ERLEC1: variants seen among roughly 807,000 people sequenced by gnomAD.
ERLEC1 encodes the protein ER lectin.
ERLEC1 carries 47 observed loss-of-function variants against 68.0 expected under a neutral mutation model. The observed-to-expected ratio is 0.69, with a 90% CI of 0.55 to 0.88. The LOEUF is 0.88. Ranked by LOEUF, ERLEC1 falls within the 40% of genes least tolerant of loss-of-function variation. The pLI is 0.00. For missense variants in ERLEC1, 567 were observed against 583.8 expected (o/e 0.97, Z 0.30); for synonymous variants, 225 against 203.2 (o/e 1.11, Z -0.91).
intron 13 of ERLEC1, 50 bp downstream of exon 13, chr2:53,814,985 A>ATTTTTTTTCTTTTTTTT (rs1676788166): frequency 5.2e-6 from 5 of 967,624 alleles, no homozygotes; most frequent in Non-Finnish European, 7.4e-6. Context: ...CCATGTTTTA[A>ATTTTTTTTCTTTTTTTT]TTTTTTTTTC....
chr2:53,796,441 T>C (rs1163800699), intron 3 of ERLEC1, among the ~76,000 whole-genome samples: 1 of 151,890 alleles, frequency 6.6e-6, no homozygotes, highest in African/African-American at 2.4e-5. Context: ...AAATATAAAT[T>C]ATTTCTTTTT....
rs370904279 is a variant in ERLEC1 at position 53,812,940 on chromosome 2, C to T, written c.1102-9C>T. Reference sequence around the variant, plus strand: ...GCACGCATTATCACAAATTTTTTTCCCATATTAGGACAAGGATAGTGGGAA... The same window carrying T: ...GCACGCATTATCACAAATTTTTTTCTCATATTAGGACAAGGATAGTGGGAA... On this transcript the variant is annotated splice_polypyrimidine_tract_variant and intron_variant, in intron 10 of 13. Coordinates refer to ENST00000185150, the MANE Select transcript of ERLEC1 (RefSeq NM_015701.5). 6.3e-7 allele frequency: 1 copy of T among 1,596,732 alleles called. No individual in the cohort carries two copies.
At chr2:53,815,541 A>C (rs1253109987) in intron 13 of ERLEC1, among the ~76,000 whole-genome samples, 1 of 152,210 alleles carries the variant, frequency 6.6e-6, no homozygotes, top group Non-Finnish European at 1.5e-5. Flanking sequence ...CACTGCAGAA[A>C]GTTCTATCAT....
chr2:53,817,953 T>C lies in ERLEC1; in HGVS notation c.1436T>C (p.Leu479Pro), dbSNP rs754766753. 1.3e-6 allele frequency: 2 copies of C among 1,583,436 alleles called. No individual in the cohort carries two copies. The highest frequency in any genetic ancestry group is 1.1e-5 in the South Asian group (1 of 90,424). ...GATACAGCAGATGAAAATGGACTTC[T>C]TTCTCTCCCCAACTAAAGGATATTA... is the stretch of plus-strand genomic sequence containing the variant. ...ILDTADENGL[L>P]SLPN Residue 479 changes from leucine (L) to proline (P), a missense_variant, in exon 14 of 14, where the codon CTT (leucine) becomes CCT (proline). Transcript: ENST00000185150.
Position 53,799,074 on chromosome 2 carries a change from C to T in ERLEC1, c.518C>T (p.Ser173Leu). Residue 173 changes from serine (S) to leucine (L), a missense_variant, in exon 6 of 14, where the codon TCA becomes TTA. Transcript: ENST00000185150. ...CGAGAAGCAGAAGAAAAGGAAAAAT[C>T]AAATGAGGCAAGTGACAGATGTTGA... Reference protein sequence around the residue: ...KEREAEEKEKSNEIPTKNIEG... With the variant: ...KEREAEEKEKLNEIPTKNIEG... 4 of 1,611,876 alleles carry T rather than the reference C, an allele frequency of 2.5e-6. No homozygotes were observed. The highest frequency in any genetic ancestry group is 3.4e-6 in the Non-Finnish European group (4 of 1,178,706).
intron 1 of ERLEC1, among the ~76,000 whole-genome samples, chr2:53,790,180 G>GC (rs1675313889): frequency 6.6e-6 from 1 of 151,550 alleles, no homozygotes; most frequent in African/African-American, 2.4e-5. Context: ...TGCAACTTCT[G>GC]CCTCCCGGGT....
chr2:53,810,797 G>A (rs1371568716), intron 10 of ERLEC1, among the ~76,000 whole-genome samples: 5 of 151,998 alleles, frequency 3.3e-5, no homozygotes, highest in Non-Finnish European at 7.4e-5. Flanking sequence ...AAACCTGAGA[G>A]GTTTCATTTA....
chr2:53,799,156 A>G lies in ERLEC1; in HGVS notation c.525+75A>G. On this transcript the variant is annotated intron_variant, in intron 6 of 13. Coordinates refer to ENST00000185150, the MANE Select transcript of ERLEC1 (RefSeq NM_015701.5). ...GGTATGAATTTATATAACCCAAGTG[A>G]CAGAATATATCTTTATGTTCTTATT... 4.0e-6 allele frequency: 5 copies of G among 1,243,232 alleles called. No homozygotes were observed. The South Asian group carries it at 6.4e-5, about 16-fold the overall frequency. The allele number at this position is 1,243,232 out of a possible 1,614,324, so 77.0% of individuals were successfully genotyped here. A position where few individuals can be genotyped will look rare whatever the true frequency, so the allele number is the denominator to read the frequency against.
At chr2:53,789,294 C>A (rs572682385) in intron 1 of ERLEC1, among the ~76,000 whole-genome samples, 2 of 149,156 alleles carry the variant, frequency 1.3e-5, no homozygotes, top group Non-Finnish European at 3.0e-5. Flanking sequence ...CTTGGGAGGC[C>A]GAGGCAGGAG....
chr2:53,795,848 T>C (rs1573071476), intron 2 of ERLEC1, 85 bp from the exon 3 acceptor site: 3 of 842,674 alleles, frequency 3.6e-6, no homozygotes, highest in Non-Finnish European at 5.7e-6. Flanking sequence ...GCATTTGTGA[T>C]TTGAGTAATG....
chr2:53,814,979 GTTTTAATTTTTTTTTCTTTTTTTTTT>G, intron 13 of ERLEC1, 44 bp downstream of exon 13: 1 of 551,858 alleles, frequency 1.8e-6, no homozygotes, highest in South Asian at 2.9e-5. Context: ...TTTGAGCCAT[GTTTTAATTTTTTTTTCTTTTTTTTTT>G]TTTTTTTTTT....
Position 53,801,621 on chromosome 2 carries a change from G to A in ERLEC1, c.749+1G>A. The A allele has an allele frequency of 6.2e-7, 1 of 1,611,376 alleles. No homozygotes were observed. The highest frequency in any genetic ancestry group is 8.5e-7 in the Non-Finnish European group (1 of 1,177,588). On this transcript the variant is annotated splice_donor_variant, in intron 7 of 13. Transcript: ENST00000185150. LOFTEE classifies it high-confidence loss of function. ...TCTTGTGCAGTCATCCTAAATATAG[G>A]TAGGATGTGCATTTAATATTTTAAA...
At chr2:53,790,800 C>T (rs576103861) in intron 1 of ERLEC1, among the ~76,000 whole-genome samples, 3 of 152,282 alleles carry the variant, frequency 2.0e-5, no homozygotes, top group African/African-American at 4.8e-5. Flanking sequence ...TTGATGTGTA[C>T]ATTAACTAGA....
chr2:53,796,054 A>G, intron 3 of ERLEC1, 41 bp downstream of exon 3: 1 of 1,315,672 alleles, frequency 7.6e-7, no homozygotes, highest in Non-Finnish European at 1.1e-6. Flanking sequence ...AAAATAGATT[A>G]CCAACAGCCA....
At chr2:53,805,487 G>A (rs1676249867) in intron 8 of ERLEC1, among the ~76,000 whole-genome samples, 2 of 152,090 alleles carry the variant, frequency 1.3e-5, no homozygotes, top group African/African-American at 2.4e-5. Flanking sequence ...CAAAGTGCTA[G>A]GATTACAGGT....
intron 2 of ERLEC1, among the ~76,000 whole-genome samples, chr2:53,795,699 A>G (rs1675656549): frequency 6.6e-6 from 1 of 152,220 alleles, no homozygotes; most frequent in Non-Finnish European, 1.5e-5. Flanking sequence ...ACATTTTAAA[A>G]AAACCTTTTT....
At chr2:53,804,989 CT>C (rs746963770) in intron 8 of ERLEC1, among the ~76,000 whole-genome samples, 1,967 of 98,188 alleles carry the variant, frequency 0.02, 13 homozygotes, top group African/African-American at 0.061. Context: ...GACAGGATCT[CT>C]TTTTTTTTTT....
intron 10 of ERLEC1, among the ~76,000 whole-genome samples, chr2:53,809,870 A>G (rs7608486): frequency 0.012 from 1,777 of 152,278 alleles, 38 homozygotes; most frequent in African/African-American, 0.041. Context: ...AGCCTGGCCA[A>G]CATGGTGAAA....
chr2:53,794,392 A>T lies in ERLEC1; in HGVS notation c.210A>T (p.Thr70=). 1 of 1,591,702 alleles carries T rather than the reference A, an allele frequency of 6.3e-7. No individual in the cohort carries two copies. Among genetic ancestry groups the T allele is most frequent in the Non-Finnish European group, 8.6e-7 (1 of 1,168,346 alleles). ...AAGAAGATAATTATGTCATCATGAC[A>T]ACTGCACATAAAGAAAAATATAAAT... ...LYKEDNYVIM[T]TAHKEKYKCI... The change falls in exon 2 of 14, where the codon ACA becomes ACT. Residue 70 remains threonine (T), a synonymous_variant. Transcript: ENST00000185150.
Sources: allele counts gnomAD v4.1 joint callset (sites outside exome capture counted in the v4.1 genomes callset), GRCh38; gene constraint gnomAD v4.1.1; transcripts MANE v1.5; gene names NCBI Gene and HGNC (gene_info 2026-07-23, HGNC 2026-07-21).